The following FTO variants were observed in gnomAD, a reference collection of about 807,000 sequenced individuals.
The protein encoded by FTO is FTO alpha-ketoglutarate dependent dioxygenase.
In FTO, 47 loss-of-function variants were observed where a neutral mutation model predicts 63.9. The ratio of observed to expected loss-of-function variants is 0.74; its 90% CI spans 0.58 to 0.94. FTO has a LOEUF of 0.94. FTO is among the 40% of genes least tolerant of loss of function. FTO has a pLI of 0.00. For synonymous variants in FTO, 207 were observed against 224.4 expected (o/e 0.92, Z 0.69); for missense variants, 562 against 618.1 (o/e 0.91, Z 0.96).
At chr16:53,993,950 C>T (rs2083872793) in intron 8 of FTO, 2 of 152,284 alleles carry the variant, frequency 1.3e-5, no homozygotes, top group African/African-American at 4.8e-5. Flanking sequence ...AACTTTGAAA[C>T]CCAGTTGACA....
chr16:53,894,102 A>T (rs1205335762), intron 7 of FTO, among the ~76,000 whole-genome samples: 1 of 152,228 alleles, frequency 6.6e-6, no homozygotes, highest in Non-Finnish European at 1.5e-5. Flanking sequence ...TTTATTTAAT[A>T]ATGTAACCAG....
chr16:53,992,827 A>G (rs6499662), intron 8 of FTO: 43,245 of 152,106 alleles, frequency 0.28, 7,175 homozygotes, highest in Non-Finnish European at 0.36. Context: ...TAGCCTAATA[A>G]TAAAATGAAT....
chr16:54,090,678 A>T (rs186150448), intron 8 of FTO, among the ~76,000 whole-genome samples: 261 of 152,336 alleles, frequency 1.7e-3, no homozygotes, highest in Middle Eastern at 3.4e-3. Context: ...TTGCAATGTA[A>T]CAAATCACCC....
chr16:54,050,625 T>G (rs2085289177), intron 8 of FTO, among the ~76,000 whole-genome samples: 1 of 152,144 alleles, frequency 6.6e-6, no homozygotes, highest in East Asian at 1.9e-4. Context: ...TTTCTTGTCC[T>G]AAAGCAAGGG....
intron 7 of FTO, among the ~76,000 whole-genome samples, chr16:53,910,827 C>T (rs1283635847): frequency 1.3e-5 from 2 of 152,192 alleles, no homozygotes; most frequent in Non-Finnish European, 2.9e-5. Flanking sequence ...TGAGCCACTG[C>T]ACCCAGCCTG....
chr16:54,027,073 G>C (rs765864981), intron 8 of FTO, among the ~76,000 whole-genome samples: 1 of 145,710 alleles, frequency 6.9e-6, no homozygotes, highest in Non-Finnish European at 1.5e-5. Flanking sequence ...ATGAGAGTGT[G>C]AGAGAGAGAC....
chr16:54,048,372 C>T (rs1336750237), intron 8 of FTO, among the ~76,000 whole-genome samples: 2 of 151,516 alleles, frequency 1.3e-5, no homozygotes, highest in Admixed American at 1.3e-4. Flanking sequence ...ATGGAAGGCC[C>T]CAGCAGGGAA....
At position 53,765,796 on chromosome 16, in the gene FTO, C is replaced by T. The variant is rs1436431657; in HGVS notation, c.46-44344C>T. Among the ~76,000 whole-genome samples the T allele has an allele frequency of 2.0e-5, 3 of 151,966 alleles. No homozygotes were observed. The East Asian group carries it at 5.8e-4, about 30-fold the overall frequency. ...TAGAAGGAACAGAGGTGGTCAGTGG[C>T]CAGAACTTAAAGAGAAGGAAACGAA... On this transcript the variant is annotated intron_variant, in intron 1 of 8. Transcript: ENST00000471389.
intron 8 of FTO, among the ~76,000 whole-genome samples, chr16:54,038,313 C>T (rs1262818031): frequency 3.3e-5 from 5 of 152,130 alleles, no homozygotes; most frequent in Non-Finnish European, 7.4e-5. Flanking sequence ...AAGCATAGAA[C>T]GTTTCCAGTG....
chr16:53,742,206 G>A (rs1250765582), intron 1 of FTO, among the ~76,000 whole-genome samples: 1 of 152,006 alleles, frequency 6.6e-6, no homozygotes, highest in Admixed American at 6.5e-5. Context: ...ATTATTGAGG[G>A]TCTTCTTGGA....
chr16:53,742,728 G>A (rs2076554460), intron 1 of FTO, among the ~76,000 whole-genome samples: 1 of 152,188 alleles, frequency 6.6e-6, no homozygotes. Flanking sequence ...CAGTATCTGA[G>A]TTAATCTTCA....
chr16:54,066,233 A>G (rs1389979406), intron 8 of FTO, among the ~76,000 whole-genome samples: 1 of 150,742 alleles, frequency 6.6e-6, no homozygotes, highest in African/African-American at 2.5e-5. Context: ...TAGTCCATGC[A>G]GTAGGTGAGA....
intron 5 of FTO, among the ~76,000 whole-genome samples, chr16:53,877,482 A>T (rs1161332169): frequency 2.6e-5 from 4 of 152,204 alleles, no homozygotes; most frequent in Non-Finnish European, 5.9e-5. Context: ...AAGTGTCTAG[A>T]ATAGGTCTCT....
At chr16:54,025,718 C>CG (rs1555503207) in intron 8 of FTO, among the ~76,000 whole-genome samples, 8 of 149,772 alleles carry the variant, frequency 5.3e-5, no homozygotes, top group African/African-American at 7.3e-5. Context: ...GACTCCATCT[C>CG]AAAAAAAAAG....
intron 1 of FTO, among the ~76,000 whole-genome samples, chr16:53,772,266 GC>G (rs1389620318): frequency 6.6e-6 from 1 of 151,730 alleles, no homozygotes; most frequent in Non-Finnish European, 1.5e-5. Flanking sequence ...CTCTAACAGG[GC>G]AAGTGCTTCC....
At chr16:54,054,860 A>C (rs2085394601) in intron 8 of FTO, among the ~76,000 whole-genome samples, 1 of 152,202 alleles carries the variant, frequency 6.6e-6, no homozygotes, top group African/African-American at 2.4e-5. Flanking sequence ...AAGGAAAGAA[A>C]AGGCGGAACT....
intron 8 of FTO, among the ~76,000 whole-genome samples, chr16:54,014,850 CT>C (rs149634902): frequency 4.3e-4 from 44 of 102,932 alleles, no homozygotes; most frequent in Admixed American, 1.3e-3. Context: ...CTCTCTCTCT[CT>C]TTTTTTTTTT....
At chr16:53,714,415 A>G (rs1481393091) in intron 1 of FTO, among the ~76,000 whole-genome samples, 3 of 152,146 alleles carry the variant, frequency 2.0e-5, no homozygotes, top group Admixed American at 6.5e-5. Context: ...TGGATTTTCT[A>G]TTTCTATGTA....
chr16:54,104,772 G>A (rs564849478), intron 8 of FTO, among the ~76,000 whole-genome samples: 1 of 152,330 alleles, frequency 6.6e-6, no homozygotes, highest in South Asian at 2.1e-4. Context: ...ACTTAAAGAA[G>A]AGGAGACTTT....
Sources: gnomAD v4.1 joint callset for allele counts (sites outside exome capture counted in the v4.1 genomes callset) on GRCh38, gnomAD v4.1.1 for gene constraint, MANE v1.5 for transcripts, NCBI Gene and HGNC (gene_info 2026-07-23, HGNC 2026-07-21) for gene names.